The following RBFOX1 variants were observed in gnomAD, a reference collection of about 807,000 sequenced individuals.
RBFOX1 encodes the protein RNA binding fox-1 homolog 1.
A neutral mutation model predicts 57.7 loss-of-function variants in RBFOX1; 8 were observed. The observed-to-expected ratio is 0.14, with a 90% confidence interval of 0.08 to 0.25. The LOEUF (loss-of-function observed/expected upper bound fraction) is 0.25, where lower values mean the gene tolerates loss of function less well. Among genes scored for constraint, RBFOX1 ranks in the 10% least tolerant of loss-of-function variants. The pLI is 1.00. For missense variants in RBFOX1, 611 were observed against 548.5 expected (o/e 1.11, Z -1.14); for synonymous variants, 326 against 222.4 (o/e 1.47, Z -4.15).
intron 1 of RBFOX1, among the ~76,000 whole-genome samples, chr16:6,287,593 A>G (rs2077027192): frequency 6.6e-6 from 1 of 152,198 alleles, no homozygotes; most frequent in Non-Finnish European, 1.5e-5. Flanking sequence ...AGACTTTAGT[A>G]AACATTTGAT....
At chr16:7,673,939 G>A (rs370699158) in intron 13 of RBFOX1, among the ~76,000 whole-genome samples, 1 of 152,198 alleles carries the variant, frequency 6.6e-6, no homozygotes, top group South Asian at 2.1e-4. Context: ...GCAATTGAAA[G>A]TGAGTGTTCC....
chr16:6,632,872 GA>G (rs770426368), intron 2 of RBFOX1, among the ~76,000 whole-genome samples: 6 of 152,160 alleles, frequency 3.9e-5, no homozygotes, highest in Non-Finnish European at 8.8e-5. Context: ...TATACAAGGG[GA>G]TGGGACCATT....
chr16:5,635,456 C>G (rs1475879043), intron 3 of RBFOX1, among the ~76,000 whole-genome samples: 1 of 152,174 alleles, frequency 6.6e-6, no homozygotes, highest in Admixed American at 6.5e-5. Context: ...GAGAATGAAA[C>G]TAGGGCCGGG....
chr16:7,327,871 G>C (rs2096632009), intron 4 of RBFOX1, among the ~76,000 whole-genome samples: 1 of 151,034 alleles, frequency 6.6e-6, no homozygotes, highest in Non-Finnish European at 1.5e-5. Flanking sequence ...ATCCCCTTCT[G>C]TGGACTGGAC....
intron 4 of RBFOX1, among the ~76,000 whole-genome samples, chr16:5,915,037 T>C (rs1183688468): frequency 2.6e-5 from 4 of 152,304 alleles, no homozygotes; most frequent in East Asian, 3.9e-4. Context: ...TAAGTTGCTA[T>C]GTTGAGTTTA....
intron 3 of RBFOX1, among the ~76,000 whole-genome samples, chr16:6,856,095 CCCTTCCCTTCCCTTTCTTCCCTTT>C (rs2057837673): frequency 1.3e-5 from 2 of 150,530 alleles, no homozygotes; most frequent in East Asian, 2.0e-4. Context: ...GAAGACCCTT[CCCTTCCCTTCCCTTTCTTCCCTTT>C]CCTTCCCTTC....
intron 3 of RBFOX1, among the ~76,000 whole-genome samples, chr16:6,658,268 C>G (rs185383506): frequency 1.3e-5 from 2 of 151,038 alleles, no homozygotes; most frequent in Non-Finnish European, 2.9e-5. Flanking sequence ...AACAGTCTCC[C>G]TCTGTCTCAA....
At chr16:6,308,285 A>G (rs62016212) in intron 1 of RBFOX1, among the ~76,000 whole-genome samples, 5,219 of 152,154 alleles carry the variant, frequency 0.034, 117 homozygotes, top group Non-Finnish European at 0.054. Context: ...TTGGATTGTG[A>G]TTATTATTTG....
intron 4 of RBFOX1, among the ~76,000 whole-genome samples, chr16:7,342,102 T>A (rs1374407134): frequency 3.9e-5 from 6 of 152,088 alleles, no homozygotes; most frequent in African/African-American, 1.4e-4. Context: ...GCAGCACAGT[T>A]AAATTTGAAA....
At chr16:5,944,790 T>TAAAAAAAAAAAAAA (rs60749168) in intron 4 of RBFOX1, among the ~76,000 whole-genome samples, 1,737 of 41,052 alleles carry the variant, frequency 0.042, 228 homozygotes, top group East Asian at 0.19. Context: ...CTGTCTCTGC[T>TAAAAAAAAAAAAAA]AAAAAAAAAA....
intron 4 of RBFOX1, among the ~76,000 whole-genome samples, chr16:7,230,201 T>C (rs2093419405): frequency 6.6e-6 from 1 of 151,866 alleles, no homozygotes; most frequent in Non-Finnish European, 1.5e-5. Context: ...TGGACATCTG[T>C]ATATGTCAGT....
At chr16:5,971,517 A>C in intron 4 of RBFOX1, among the ~76,000 whole-genome samples, 1 of 152,184 alleles carries the variant, frequency 6.6e-6, no homozygotes, top group East Asian at 1.9e-4. Flanking sequence ...ATACAGACTC[A>C]TTGTGTTTAA....
chr16:6,787,958 C>G (rs148102363), intron 3 of RBFOX1, among the ~76,000 whole-genome samples: 2,946 of 152,038 alleles, frequency 0.019, 112 homozygotes, highest in African/African-American at 0.067. Flanking sequence ...CACGGTGGCT[C>G]ATGTCTGTAA....
chr16:6,805,499 A>C (rs935671871), intron 3 of RBFOX1, among the ~76,000 whole-genome samples: 1 of 152,160 alleles, frequency 6.6e-6, no homozygotes, highest in Non-Finnish European at 1.5e-5. Context: ...GAGTTTACCT[A>C]TGTAATGAAC....
chr16:6,844,739 C>T (rs376848646), intron 3 of RBFOX1, among the ~76,000 whole-genome samples: 7 of 152,252 alleles, frequency 4.6e-5, no homozygotes, highest in African/African-American at 1.7e-4. Flanking sequence ...ATTTCTGCAT[C>T]TAGGTCTTTG....
chr16:7,139,423 G>C (rs563226675), intron 4 of RBFOX1, among the ~76,000 whole-genome samples: 98 of 152,174 alleles, frequency 6.4e-4, no homozygotes, highest in South Asian at 4.2e-3. Flanking sequence ...TGAGTTCAGA[G>C]ACAAAGAGGG....
chr16:6,765,624 C>T lies in RBFOX1; in HGVS notation c.-16+110974C>T, dbSNP rs76550704. Reference sequence around the variant, plus strand: ...AAGAAGTAAAAGTAGGTCTACCATTCGGTACAGCAATCACTCTACCCAATA... The same window carrying T: ...AAGAAGTAAAAGTAGGTCTACCATTTGGTACAGCAATCACTCTACCCAATA... On this transcript the variant is annotated intron_variant, in intron 3 of 15. Transcript: ENST00000550418. 9.2e-3 allele frequency among the ~76,000 whole-genome samples: 1,397 copies of T among 152,236 alleles called. 20 individuals are homozygous for T. The highest frequency in any genetic ancestry group is 0.032 in the African/African-American group (1,317 of 41,534).
intron 2 of RBFOX1, among the ~76,000 whole-genome samples, chr16:6,568,748 A>T (rs973317770): frequency 3.3e-5 from 5 of 152,020 alleles, no homozygotes. Flanking sequence ...GGAAAGTTTG[A>T]TTACCAGTGT....
chr16:7,293,769 C>G lies in RBFOX1; in HGVS notation c.28-224378C>G, dbSNP rs142868977. On this transcript the variant is annotated intron_variant, in intron 4 of 15. Transcript: ENST00000550418. Reference sequence around the variant, plus strand: ...CACCTTGTAAGTTTTGCAGATAAACCTAGTTTCGTATGATTCCTTACATCG... The same window carrying G: ...CACCTTGTAAGTTTTGCAGATAAACGTAGTTTCGTATGATTCCTTACATCG... Among the ~76,000 whole-genome samples the G allele has an allele frequency of 3.3e-5, 5 of 152,206 alleles. No homozygotes were observed. The East Asian group carries it at 7.7e-4, about 24-fold the overall frequency.
Sources: gnomAD v4.1 joint callset for allele counts (sites outside exome capture counted in the v4.1 genomes callset) on GRCh38, gnomAD v4.1.1 for gene constraint, MANE v1.5 for transcripts, NCBI Gene and HGNC (gene_info 2026-07-23, HGNC 2026-07-21) for gene names.